SRPK2: variants seen among roughly 807,000 people sequenced by gnomAD.
SRPK2 encodes the protein SRSF protein kinase 2, also known as SFRS protein kinase 2.
A neutral mutation model predicts 90.8 loss-of-function variants in SRPK2; 21 were observed. The ratio of observed to expected loss-of-function variants is 0.23; its 90% CI spans 0.16 to 0.33. The LOEUF is 0.33. Ranked by LOEUF, SRPK2 falls within the 10% of genes least tolerant of loss-of-function variation. The pLI is 1.00. For missense variants in SRPK2, 620 were observed against 869.0 expected (o/e 0.71, Z 3.60); for synonymous variants, 288 against 311.1 (o/e 0.93, Z 0.78).
intron 14 of SRPK2, 111 bp downstream of exon 14, chr7:105,126,882 T>G: frequency 9.1e-7 from 1 of 1,093,624 alleles, no homozygotes; most frequent in Non-Finnish European, 1.4e-6. Flanking sequence ...GAATTTGGTG[T>G]TTGAAAACCA....
At chr7:105,262,339 A>T (rs1000948378) in intron 2 of SRPK2, among the ~76,000 whole-genome samples, 6 of 152,152 alleles carry the variant, frequency 3.9e-5, no homozygotes, top group African/African-American at 1.2e-4. Flanking sequence ...AACACTTCAG[A>T]AGCTATCAAA....
intron 2 of SRPK2, among the ~76,000 whole-genome samples, chr7:105,255,926 T>C: frequency 8.5e-6 from 1 of 118,128 alleles, no homozygotes. Flanking sequence ...CATCTCAAAT[T>C]GAAAAAAAAA....
intron 2 of SRPK2, among the ~76,000 whole-genome samples, chr7:105,324,724 T>C (rs944540050): frequency 6.6e-6 from 1 of 151,986 alleles, no homozygotes; most frequent in Non-Finnish European, 1.5e-5. Context: ...CCGTCTCTAC[T>C]AAAAATACAA....
At chr7:105,382,594 C>G (rs1280654792) in intron 2 of SRPK2, among the ~76,000 whole-genome samples, 1 of 140,772 alleles carries the variant, frequency 7.1e-6, no homozygotes, top group African/African-American at 2.5e-5. Flanking sequence ...GCTCTGCTCA[C>G]ACAGGCAACA....
At chr7:105,181,893 A>C (rs1410494064) in intron 3 of SRPK2, among the ~76,000 whole-genome samples, 3 of 147,200 alleles carry the variant, frequency 2.0e-5, no homozygotes, top group Non-Finnish European at 4.5e-5. Context: ...AAAAAAAAAA[A>C]AAACAGAAAA....
At chr7:105,188,316 C>T (rs1469635582) in intron 3 of SRPK2, among the ~76,000 whole-genome samples, 1 of 152,076 alleles carries the variant, frequency 6.6e-6, no homozygotes, top group Non-Finnish European at 1.5e-5. Context: ...TTAGTGATTG[C>T]TAAGGGTTGT....
chr7:105,229,235 G>A (rs1365568852), intron 2 of SRPK2, among the ~76,000 whole-genome samples: 2 of 152,112 alleles, frequency 1.3e-5, no homozygotes, highest in African/African-American at 2.4e-5. Flanking sequence ...AGGCCGTCGC[G>A]GGCAGATCAC....
intron 11 of SRPK2, among the ~76,000 whole-genome samples, chr7:105,141,241 T>C (rs894850964): frequency 1.3e-5 from 2 of 152,162 alleles, no homozygotes; most frequent in Non-Finnish European, 2.9e-5. Flanking sequence ...CTGCAGAATG[T>C]CGGGCTGTTT....
intron 2 of SRPK2, among the ~76,000 whole-genome samples, chr7:105,353,060 C>T (rs1817386747): frequency 6.6e-6 from 1 of 152,138 alleles, no homozygotes; most frequent in African/African-American, 2.4e-5. Context: ...AGTCATAAAT[C>T]CCTTATTATC....
At chr7:105,120,960 A>G (rs1444148740) in intron 15 of SRPK2, among the ~76,000 whole-genome samples, 1 of 152,248 alleles carries the variant, frequency 6.6e-6, no homozygotes, top group Non-Finnish European at 1.5e-5. Context: ...TCCATCACTT[A>G]GAATGATAAT....
At chr7:105,136,531 G>C (rs1268804580) in intron 11 of SRPK2, among the ~76,000 whole-genome samples, 2 of 152,150 alleles carry the variant, frequency 1.3e-5, no homozygotes, top group African/African-American at 4.8e-5. Context: ...TTTCACTTCG[G>C]GAAGAACTGG....
At chr7:105,365,728 G>T (rs1264127656) in intron 2 of SRPK2, among the ~76,000 whole-genome samples, 2 of 151,676 alleles carry the variant, frequency 1.3e-5, no homozygotes, top group Non-Finnish European at 2.9e-5. Context: ...GAGCTTAGTA[G>T]GTCAGGGCTG....
intron 2 of SRPK2, among the ~76,000 whole-genome samples, chr7:105,286,792 T>C (rs1484823395): frequency 1.3e-5 from 2 of 152,248 alleles, no homozygotes; most frequent in Admixed American, 6.5e-5. Flanking sequence ...ATATGAAGAA[T>C]GCTGGCTATG....
chr7:105,278,403 G>C (rs901871092), intron 2 of SRPK2, among the ~76,000 whole-genome samples: 7 of 151,698 alleles, frequency 4.6e-5, no homozygotes, highest in African/African-American at 1.7e-4. Context: ...GCTGGGCGCA[G>C]TGGCTCACAA....
intron 2 of SRPK2, among the ~76,000 whole-genome samples, chr7:105,262,924 C>T (rs892131718): frequency 1.3e-5 from 2 of 152,218 alleles, no homozygotes; most frequent in African/African-American, 2.4e-5. Flanking sequence ...TAGAGTGGTA[C>T]ATTCACTTTG....
intron 13 of SRPK2, among the ~76,000 whole-genome samples, chr7:105,129,768 A>G (rs916636795): frequency 7.2e-5 from 11 of 152,140 alleles, no homozygotes; most frequent in Admixed American, 4.6e-4. Flanking sequence ...CCCTGGACCT[A>G]CTTGTTTCCA....
At chr7:105,153,130 G>T (rs565046013) in intron 7 of SRPK2, among the ~76,000 whole-genome samples, 68 of 152,212 alleles carry the variant, frequency 4.5e-4, no homozygotes, top group African/African-American at 1.5e-3. Context: ...AAGCCCAGAC[G>T]AGCCAGGGAC....
chr7:105,280,793 A>G (rs1043986588), intron 2 of SRPK2, among the ~76,000 whole-genome samples: 3 of 150,072 alleles, frequency 2.0e-5, no homozygotes, highest in Non-Finnish European at 4.4e-5. Context: ...TAAAAATACA[A>G]AAAATTAGCC....
chr7:105,219,618 C>A (rs1052319848), intron 2 of SRPK2, among the ~76,000 whole-genome samples: 1 of 152,166 alleles, frequency 6.6e-6, no homozygotes, highest in Non-Finnish European at 1.5e-5. Context: ...TTAGTCCCTA[C>A]GTACTTAGTA....
Sources: gnomAD v4.1 joint callset for allele counts (sites outside exome capture counted in the v4.1 genomes callset) on GRCh38, gnomAD v4.1.1 for gene constraint, MANE v1.5 for transcripts, NCBI Gene and HGNC (gene_info 2026-07-23, HGNC 2026-07-21) for gene names.